Variants in FSIP2 observed in about 807,000 individuals in gnomAD.
FSIP2 encodes fibrous sheath interacting protein 2, also known as fibrous sheath-interacting protein 2.
In FSIP2, 367 loss-of-function variants were observed where a neutral mutation model predicts 510.5. That is an observed-to-expected ratio of 0.72 (90% CI 0.66 to 0.78). The LOEUF is 0.78. Among genes scored for constraint, FSIP2 ranks in the 30% least tolerant of loss-of-function variants. The pLI is 0.00. For missense variants in FSIP2, 7,594 were observed against 7,901.7 expected (o/e 0.96, Z 1.48); for synonymous variants, 2,601 against 2,732.2 (o/e 0.95, Z 1.50).
chr2:185,810,769 GA>G (rs570306132), intron 17 of FSIP2, among the ~76,000 whole-genome samples: 104 of 152,058 alleles, frequency 6.8e-4, no homozygotes, highest in African/African-American at 2.3e-3. Flanking sequence ...AGGCTCAGAA[GA>G]AGATAGGAAG....
At chr2:185,774,612 G>C (rs1399063531) in intron 13 of FSIP2, among the ~76,000 whole-genome samples, 1 of 151,032 alleles carries the variant, frequency 6.6e-6, no homozygotes, top group African/African-American at 2.4e-5. Context: ...TTAAGTTTTA[G>C]GGTACATGTG....
Position 185,807,071 on chromosome 2 carries a change from G to C in FSIP2, c.17765G>C (p.Cys5922Ser). 1 of 1,590,144 alleles carries C rather than the reference G, an allele frequency of 6.3e-7. No homozygotes were observed. Among genetic ancestry groups the C allele is most frequent in the Non-Finnish European group, 8.5e-7 (1 of 1,172,010 alleles). Reference protein sequence around the residue: ...LVNKVVHSSVCNILNDYGSQD... With the variant: ...LVNKVVHSSVSNILNDYGSQD... Reference sequence around the variant, plus strand: ...AATAAAGTTGTTCACTCCTCTGTTTGTAATATTTTAAATGACTATGGATCT... The same window carrying C: ...AATAAAGTTGTTCACTCCTCTGTTTCTAATATTTTAAATGACTATGGATCT... Residue 5922 changes from cysteine to serine, a missense_variant, in exon 17 of 23, where the codon TGT becomes TCT. Cys to Ser is a moderately radical substitution (Grantham distance 112, BLOSUM62 -1). Transcript: ENST00000424728.
intron 15 of FSIP2, chr2:185,787,950 T>A (rs1693028246): frequency 6.6e-6 from 1 of 151,594 alleles, no homozygotes; most frequent in East Asian, 1.9e-4. Flanking sequence ...TATTTTATTT[T>A]ATTTTTATTT....
At chr2:185,775,063 G>A in intron 13 of FSIP2, among the ~76,000 whole-genome samples, 1 of 72,308 alleles carries the variant, frequency 1.4e-5, no homozygotes, top group Non-Finnish European at 2.7e-5. Context: ...TGTCTTTATA[G>A]CAGCATGATT....
chr2:185,800,995 C>G lies in FSIP2; in HGVS notation c.11689C>G (p.Gln3897Glu). Residue 3897 changes from glutamine (Q) to glutamate (E), a missense_variant, in exon 17 of 23, where the codon CAG becomes GAG. By Grantham distance (29) the Gln-to-Glu change is conservative. Coordinates refer to ENST00000424728, the MANE Select transcript of FSIP2 (RefSeq NM_173651.4). The stretch of plus-strand genomic sequence containing the variant: ...AAAGTCAGAATTAATAGAATTAGGA[C>G]AGAGTAAAAGTTCTTTAGAACTCAG... Reference protein sequence around the residue: ...ARKSELIELGQSKSSLELRSY... With the variant: ...ARKSELIELGESKSSLELRSY... 3 of 1,531,308 alleles carry G rather than the reference C, an allele frequency of 2.0e-6. No individual in the cohort carries two copies. Among genetic ancestry groups the G allele is most frequent in the Non-Finnish European group, 2.6e-6 (3 of 1,143,736 alleles). The allele number at this position is 1,531,308 out of a possible 1,614,324, so 94.9% of individuals were successfully genotyped here.
At position 185,813,699 on chromosome 2, in the gene FSIP2, G is replaced by C. The variant is rs376528278; in HGVS notation, c.19982G>C (p.Arg6661Pro). 2 of 1,609,704 alleles carry C rather than the reference G, an allele frequency of 1.2e-6. No homozygotes were observed. The highest frequency in any genetic ancestry group is 4.5e-5 in the East Asian group (2 of 44,700). Residue 6661 changes from arginine (R) to proline (P), a missense_variant, in exon 18 of 23, where the codon CGA becomes CCA. By Grantham distance (103) the Arg-to-Pro change is moderately radical. Coordinates refer to ENST00000424728, the MANE Select transcript of FSIP2 (RefSeq NM_173651.4). ...TTGGAAAATTACATAAAAGAGGAACGAGATTCTGATGAAGATGAAGTTGTT... is the reference window on the plus strand; with the variant it reads ...TTGGAAAATTACATAAAAGAGGAACCAGATTCTGATGAAGATGAAGTTGTT... ...VYLENYIKEE[R>P]DSDEDEVVLT...
In FSIP2 at chr2:185,807,889, C is replaced by G. The variant is rs1222523613; in HGVS notation, c.18583C>G (p.Pro6195Ala). ...KFLSKLLSIFPKVHKERTKSL... is the reference protein window; with the variant it reads ...KFLSKLLSIFAKVHKERTKSL... ...TTTATCAAAGCTTTTATCTATATTT[C>G]CAAAAGTACATAAAGAAAGAACAAA... Residue 6195 changes from proline (P) to alanine (A), a missense_variant, in exon 17 of 23, where the codon CCA (proline) becomes GCA (alanine). Coordinates refer to ENST00000424728, the MANE Select transcript of FSIP2 (RefSeq NM_173651.4). 6.2e-7 allele frequency: 1 copy of G among 1,603,180 alleles called. No homozygotes were observed. Among genetic ancestry groups the G allele is most frequent in the Non-Finnish European group, 8.5e-7 (1 of 1,175,902 alleles).
In FSIP2 at chr2:185,799,982, G is replaced by A; in HGVS notation, c.10676G>A (p.Cys3559Tyr). 1.3e-6 allele frequency: 2 copies of A among 1,521,982 alleles called. No individual in the cohort carries two copies. Among genetic ancestry groups the A allele is most frequent in the Non-Finnish European group, 1.8e-6 (2 of 1,137,084 alleles). 94.3% of individuals were successfully genotyped at this position (1,521,982 alleles called of 1,614,324 possible). A position where few individuals can be genotyped will look rare whatever the true frequency, so the allele number is the denominator to read the frequency against. The change falls in exon 17 of 23, where the codon TGT (cysteine) becomes TAT (tyrosine). Residue 3559 changes from cysteine to tyrosine, a missense_variant. Coordinates refer to ENST00000424728, the MANE Select transcript of FSIP2 (RefSeq NM_173651.4). ...RSISIGELAL[C>Y]ISEIIIKILF... ...ATTTCCATTGGAGAACTTGCTTTAT[G>A]TATTTCTGAAATCATTATTAAAATT...
intron 11 of FSIP2, 121 bp downstream of exon 11, chr2:185,762,138 T>C (rs1370650506): frequency 3.9e-6 from 2 of 515,980 alleles, no homozygotes; most frequent in Non-Finnish European, 6.7e-6. Context: ...AAATTAAGGC[T>C]GATATAAATT....
At chr2:185,763,384 C>T (rs1692395016) in intron 12 of FSIP2, 95 bp downstream of exon 12, 3 of 666,906 alleles carry the variant, frequency 4.5e-6, no homozygotes, top group Non-Finnish European at 8.1e-6. Context: ...TTTATGTAAC[C>T]ATACAAAACA....
chr2:185,783,900 T>C (rs1042875239), intron 14 of FSIP2: 2 of 152,174 alleles, frequency 1.3e-5, no homozygotes, highest in African/African-American at 4.8e-5. Context: ...ATTTTGGATA[T>C]TGTTTCATTA....
rs1341930183 is a variant in FSIP2 at position 185,793,587 on chromosome 2, G to C, written c.6451G>C (p.Asp2151His). 6.5e-7 allele frequency: 1 copy of C among 1,534,198 alleles called. No individual in the cohort carries two copies. Among genetic ancestry groups the C allele is most frequent in the Middle Eastern group, 1.7e-4 (1 of 5,980 alleles). The change falls in exon 16 of 23, where the codon GAT becomes CAT. Residue 2151 changes from aspartate (D) to histidine (H), a missense_variant. Asp to His is a moderately conservative substitution (Grantham distance 81). Transcript: ENST00000424728. Reference sequence around the variant, plus strand: ...TCCTAAGCTTTCAGTTCCTAAATCAGATGTCATTTTGATATCCAATGATAT... The same window carrying C: ...TCCTAAGCTTTCAGTTCCTAAATCACATGTCATTTTGATATCCAATGATAT... ...IIPKLSVPKS[D>H]VILISNDIVN...
In FSIP2 at chr2:185,801,096, T is replaced by G; in HGVS notation, c.11790T>G (p.Phe3930Leu). The G allele has an allele frequency of 6.5e-7, 1 of 1,532,376 alleles. No individual in the cohort carries two copies. The highest frequency in any genetic ancestry group is 8.7e-7 in the Non-Finnish European group (1 of 1,144,952). 94.9% of individuals were successfully genotyped at this position (1,532,376 alleles called of 1,614,324 possible). Reference protein sequence around the residue: ...SVVSSKIQAPFNKHCAVKSSS... With the variant: ...SVVSSKIQAPLNKHCAVKSSS... ...TTAGCTCCAAAATACAAGCACCATTTAACAAGCATTGTGCAGTAAAATCCT... is the reference window on the plus strand; with the variant it reads ...TTAGCTCCAAAATACAAGCACCATTGAACAAGCATTGTGCAGTAAAATCCT... Residue 3930 changes from phenylalanine to leucine, a missense_variant, in exon 17 of 23, where the codon TTT becomes TTG. Phe to Leu is a conservative substitution (Grantham distance 22). Coordinates refer to ENST00000424728, the MANE Select transcript of FSIP2 (RefSeq NM_173651.4).
At chr2:185,767,162 C>A (rs62199138) in intron 13 of FSIP2, among the ~76,000 whole-genome samples, 1 of 139,924 alleles carries the variant, frequency 7.1e-6, no homozygotes, top group Non-Finnish European at 1.5e-5. Flanking sequence ...ACTCTGGGGA[C>A]TGTTGTGGGG....
intron 19 of FSIP2, among the ~76,000 whole-genome samples, 158 bp from the exon 20 acceptor site, chr2:185,824,276 G>T (rs1693975623): frequency 6.6e-6 from 1 of 151,828 alleles, no homozygotes; most frequent in African/African-American, 2.4e-5. Flanking sequence ...AGGGGAAAAA[G>T]TCAATCAGAA....
intron 19 of FSIP2, among the ~76,000 whole-genome samples, chr2:185,817,656 A>T (rs924293798): frequency 6.6e-6 from 1 of 152,032 alleles, no homozygotes; most frequent in African/African-American, 2.4e-5. Context: ...TATTATTTCA[A>T]ATACTCACAT....
chr2:185,764,261 A>G (rs1161679847), intron 12 of FSIP2, among the ~76,000 whole-genome samples: 1 of 151,744 alleles, frequency 6.6e-6, no homozygotes, highest in Non-Finnish European at 1.5e-5. Context: ...AGTCTCAGCA[A>G]ATTACCAAAT....
At chr2:185,819,434 T>C (rs560634462) in intron 19 of FSIP2, among the ~76,000 whole-genome samples, 34 of 151,902 alleles carry the variant, frequency 2.2e-4, no homozygotes, top group Non-Finnish European at 4.0e-4. Context: ...TCCAACTGTA[T>C]GTTATCCATA....
intron 22 of FSIP2, among the ~76,000 whole-genome samples, chr2:185,832,261 T>C (rs1694121717): frequency 6.6e-6 from 1 of 151,900 alleles, no homozygotes; most frequent in African/African-American, 2.4e-5. Flanking sequence ...CATCATTGTC[T>C]ACACACACAA....
Sources: gnomAD v4.1 joint callset for allele counts (sites outside exome capture counted in the v4.1 genomes callset) on GRCh38, gnomAD v4.1.1 for gene constraint, MANE v1.5 for transcripts, NCBI Gene and HGNC (gene_info 2026-07-23, HGNC 2026-07-21) for gene names.